Variants in ECT2L observed in about 807,000 individuals in gnomAD.
The protein encoded by ECT2L is epithelial cell transforming 2 like, also known as epithelial cell-transforming sequence 2 oncogene-like.
A neutral mutation model predicts 122.8 loss-of-function variants in ECT2L; 126 were observed. The ratio of observed to expected loss-of-function variants is 1.03; its 90% CI spans 0.89 to 1.19. The LOEUF (loss-of-function observed/expected upper bound fraction) is 1.19. Ranked by LOEUF, ECT2L falls within the 50% of genes most tolerant of loss-of-function variation. The pLI, the probability that ECT2L is intolerant of heterozygous loss-of-function variation, is 0.00. For synonymous variants in ECT2L, 385 were observed against 381.8 expected (o/e 1.01, Z -0.10); for missense variants, 1,012 against 1,064.1 (o/e 0.95, Z 0.68).
Position 138,902,603 on chromosome 6 carries a change from A to T in ECT2L, c.2691A>T (p.Ala897=). ...KFLWLSVLRN[A]IKSSMEK is the part of the protein sequence containing the mutation. Reference sequence around the variant, plus strand: ...TATGGCTGTCAGTACTTCGAAATGCAATCAAAAGCAGTATGGAGAAGTGAG... The same window carrying T: ...TATGGCTGTCAGTACTTCGAAATGCTATCAAAAGCAGTATGGAGAAGTGAG... The change falls in exon 22 of 22, where the codon GCA becomes GCT. Residue 897 remains alanine, a synonymous_variant. Coordinates refer to ENST00000541398, the MANE Select transcript of ECT2L (RefSeq NM_001077706.3). The T allele has an allele frequency of 6.2e-7, 1 of 1,613,906 alleles. No homozygotes were observed. Among genetic ancestry groups the T allele is most frequent in the South Asian group, 1.1e-5 (1 of 91,062 alleles).
intron 1 of ECT2L, among the ~76,000 whole-genome samples, chr6:138,796,583 A>C (rs1001441996): frequency 1.3e-5 from 2 of 151,948 alleles, no homozygotes; most frequent in East Asian, 3.9e-4. Flanking sequence ...TGGGGTCCAA[A>C]AATGTAGGGA....
At chr6:138,883,665 G>A (rs928904225) in intron 16 of ECT2L, among the ~76,000 whole-genome samples, 3 of 152,180 alleles carry the variant, frequency 2.0e-5, no homozygotes, top group African/African-American at 7.2e-5. Context: ...GTCCCTGCTG[G>A]ACAACTTGAT....
chr6:138,821,149 T>C (rs1406844595), intron 4 of ECT2L, among the ~76,000 whole-genome samples: 1 of 152,230 alleles, frequency 6.6e-6, no homozygotes, highest in Non-Finnish European at 1.5e-5. Flanking sequence ...CCTTCTAGTC[T>C]CAGTGCAATG....
rs990486949 is a variant in ECT2L, at chr6:138,846,965, A to T, written c.903+288A>T. Among the ~76,000 whole-genome samples, 29 of 42,194 alleles carry T rather than the reference A, an allele frequency of 6.9e-4. No individual in the cohort carries two copies. In the East Asian group the frequency reaches 0.012, roughly 17 times the overall value. The allele number at this position is 42,194 out of a possible 152,430, so 27.7% of individuals were successfully genotyped here. On this transcript the variant is annotated intron_variant, in intron 8 of 21. Transcript: ENST00000541398. Reference sequence around the variant, plus strand: ...CAACAGAGTGAGACTCTGTTTCTATAAAAAAAAAAAAAAAAAAAAAGGCCA... The same window carrying T: ...CAACAGAGTGAGACTCTGTTTCTATTAAAAAAAAAAAAAAAAAAAAGGCCA...
intron 17 of ECT2L, 30 bp downstream of exon 17, chr6:138,885,609 T>TC (rs1290524641): frequency 2.5e-6 from 4 of 1,613,478 alleles, no homozygotes; most frequent in African/African-American, 2.7e-5. Flanking sequence ...ACAGCAGGGG[T>TC]CCCCCCAGAG....
chr6:138,853,878 TAC>T, intron 9 of ECT2L, 146 bp from the exon 10 acceptor site: 1 of 822,824 alleles, frequency 1.2e-6, no homozygotes, highest in Non-Finnish European at 1.9e-6. Flanking sequence ...TCCAACATGG[TAC>T]GGGAGGAAGC....
At chr6:138,897,519 T>C (rs535947116) in intron 20 of ECT2L, among the ~76,000 whole-genome samples, 5 of 152,308 alleles carry the variant, frequency 3.3e-5, no homozygotes, top group African/African-American at 9.6e-5. Flanking sequence ...AAGGGATGAC[T>C]GTATCTGCTT....
At chr6:138,852,791 T>C (rs1028598770) in intron 9 of ECT2L, among the ~76,000 whole-genome samples, 13 of 152,150 alleles carry the variant, frequency 8.5e-5, no homozygotes, top group Admixed American at 3.3e-4. Context: ...TTAAATGACA[T>C]GGTAACTCTT....
chr6:138,833,873 C>T (rs1325559463), intron 4 of ECT2L, among the ~76,000 whole-genome samples: 1 of 151,800 alleles, frequency 6.6e-6, no homozygotes, highest in Admixed American at 6.6e-5. Context: ...AGCACCCAGA[C>T]CCTGACCAAG....
intron 4 of ECT2L, among the ~76,000 whole-genome samples, chr6:138,835,121 C>T (rs937223165): frequency 2.0e-5 from 3 of 149,592 alleles, no homozygotes; most frequent in South Asian, 4.2e-4. Flanking sequence ...CTGAAGCAAA[C>T]TTAAAAAAAA....
chr6:138,889,037 C>CAAT lies in ECT2L; in HGVS notation c.2414+8_2414+10dup, dbSNP rs1778927925. On this transcript the variant is annotated splice_region_variant and intron_variant, in intron 20 of 21. Transcript: ENST00000541398. The stretch of plus-strand genomic sequence containing the variant: ...GAAATAAGTTTCTCTTTAAGGTAAA[C>CAAT]AATAGTTAACTATCCTAAGGCTGTG... 1 of 1,507,528 alleles carries CAAT rather than the reference C, an allele frequency of 6.6e-7. No homozygotes were observed. Among genetic ancestry groups the CAAT allele is most frequent in the Non-Finnish European group, 9.0e-7 (1 of 1,112,440 alleles). The allele number at this position is 1,507,528 out of a possible 1,614,324, so 93.4% of individuals were successfully genotyped here. A position where few individuals can be genotyped will look rare whatever the true frequency, so the allele number is the denominator to read the frequency against.
chr6:138,858,536 T>C lies in ECT2L; in HGVS notation c.1199-4091T>C, dbSNP rs536465854. On this transcript the variant is annotated intron_variant, in intron 10 of 21. Transcript: ENST00000541398. ...TTCTGACATATGTAGGCCTGCCCCATGAAACCATAAGAAAAATCAAGAAAA... is the reference window on the plus strand; with the variant it reads ...TTCTGACATATGTAGGCCTGCCCCACGAAACCATAAGAAAAATCAAGAAAA... 2.0e-5 allele frequency among the ~76,000 whole-genome samples: 3 copies of C among 152,186 alleles called. No individual in the cohort carries two copies. The East Asian group carries it at 5.8e-4, about 29-fold the overall frequency.
At chr6:138,833,633 T>C (rs1337524687) in intron 4 of ECT2L, among the ~76,000 whole-genome samples, 1 of 151,874 alleles carries the variant, frequency 6.6e-6, no homozygotes, top group Non-Finnish European at 1.5e-5. Flanking sequence ...CGAAACCCTG[T>C]CTTCACTAAA....
chr6:138,826,404 T>C (rs1313800426), intron 4 of ECT2L, among the ~76,000 whole-genome samples: 7 of 152,158 alleles, frequency 4.6e-5, no homozygotes, highest in Non-Finnish European at 4.4e-5. Context: ...TATAATGATA[T>C]AGACCAAGCA....
chr6:138,823,284 G>A, intron 4 of ECT2L: 1 of 1,577,596 alleles, frequency 6.3e-7, no homozygotes, highest in East Asian at 2.3e-5. Flanking sequence ...TACAGTAAAT[G>A]ACAATGCTAG....
In ECT2L at chr6:138,876,455, T is replaced by C. The variant is rs1778455732; in HGVS notation, c.1579-17T>C. On this transcript the variant is annotated splice_polypyrimidine_tract_variant and intron_variant, in intron 13 of 21. Transcript: ENST00000541398. Reference sequence around the variant, plus strand: ...CAAGACCTGCCTCCAATAACCAAGTTTCCATTCAATCTTCAGGAAAGAAAT... The same window carrying C: ...CAAGACCTGCCTCCAATAACCAAGTCTCCATTCAATCTTCAGGAAAGAAAT... 6.3e-7 allele frequency: 1 copy of C among 1,589,236 alleles called. No individual in the cohort carries two copies. The highest frequency in any genetic ancestry group is 8.6e-7 in the Non-Finnish European group (1 of 1,158,354).
intron 10 of ECT2L, among the ~76,000 whole-genome samples, chr6:138,858,829 C>G (rs983799135): frequency 1.3e-5 from 2 of 150,800 alleles, no homozygotes; most frequent in Middle Eastern, 3.2e-3. Context: ...CCTCAGCCTC[C>G]TGAGTAGCTG....
intron 1 of ECT2L, among the ~76,000 whole-genome samples, chr6:138,800,188 C>T (rs1177258531): frequency 6.6e-6 from 1 of 152,216 alleles, no homozygotes; most frequent in Non-Finnish European, 1.5e-5. Flanking sequence ...CAGTTTACAT[C>T]ACCCACACTG....
rs377606983 is a variant in ECT2L, at chr6:138,843,066, C to T, written c.430C>T (p.His144Tyr). ...TDNEYGAWKR[H>Y]YIACVSHLDW... ...TAATGAGTATGGTGCTTGGAAGCGCCATTACATTGCTTGTGTGTCCCACTT... is the reference window on the plus strand; with the variant it reads ...TAATGAGTATGGTGCTTGGAAGCGCTATTACATTGCTTGTGTGTCCCACTT... Residue 144 changes from histidine (H) to tyrosine (Y), a missense_variant, in exon 6 of 22, where the codon CAT becomes TAT. His to Tyr is a moderately conservative substitution (Grantham distance 83). Coordinates refer to ENST00000541398, the MANE Select transcript of ECT2L (RefSeq NM_001077706.3). The T allele has an allele frequency of 1.9e-6, 3 of 1,613,676 alleles. No individual in the cohort carries two copies. The highest frequency in any genetic ancestry group is 2.5e-6 in the Non-Finnish European group (3 of 1,179,802).
Sources: gnomAD v4.1 joint callset for allele counts (sites outside exome capture counted in the v4.1 genomes callset) on GRCh38, gnomAD v4.1.1 for gene constraint, MANE v1.5 for transcripts, NCBI Gene and HGNC (gene_info 2026-07-23, HGNC 2026-07-21) for gene names.